Variants in EPS8 observed in about 807,000 individuals in gnomAD.
The protein encoded by EPS8 is epidermal growth factor receptor kinase substrate 8.
Under a neutral mutation model 103.8 loss-of-function variants are expected in EPS8, and 42 were observed. The ratio of observed to expected loss-of-function variants is 0.40; its 90% CI spans 0.32 to 0.52. The LOEUF (loss-of-function observed/expected upper bound fraction) is 0.52. EPS8 is among the 20% of genes least tolerant of loss of function. The pLI is 0.40. For missense variants in EPS8, 969 were observed against 1,005.1 expected, an observed-to-expected ratio of 0.96 and a Z score of 0.49; for synonymous variants, 344 against 344.6, an observed-to-expected ratio of 1.00 and a Z score of 0.02.
chr12:15,674,279 A>G (rs1351008318), intron 3 of EPS8, among the ~76,000 whole-genome samples: 1 of 152,162 alleles, frequency 6.6e-6, no homozygotes, highest in Non-Finnish European at 1.5e-5. Flanking sequence ...TTCCTTAGAG[A>G]GTAAGGATTT....
rs766813745 is a variant in EPS8 at position 15,700,593 on chromosome 12, G to C, written c.-21-17621C>G. On this transcript the variant is annotated intron_variant, in intron 1 of 20. Transcript: ENST00000281172. The surrounding 1 kb of genome is among the most constrained non-coding windows in gnomAD (Gnocchi z 5.1). The stretch of plus-strand genomic sequence containing the variant: ...CACAGAATTTCTACAGTCACAATTA[G>C]ATAAAAGAGCCTCAATGCCAACTGA... Among the ~76,000 whole-genome samples, 18 of 149,316 alleles carry C rather than the reference G, an allele frequency of 1.2e-4. No homozygotes were observed. Among genetic ancestry groups the C allele is most frequent in the Non-Finnish European group, 2.1e-4 (14 of 68,004 alleles).
rs568746749 is a variant in EPS8, at chr12:15,676,913, AAT to A, written c.136+4311_136+4312del. 1.4e-3 allele frequency among the ~76,000 whole-genome samples: 215 copies of A among 152,330 alleles called. 2 individuals are homozygous for A. Among genetic ancestry groups the A allele is most frequent in the African/African-American group, 4.4e-3 (182 of 41,574 alleles). Reference sequence around the variant, plus strand: ...TTTCACCATTTTCCTTGAATAAATTAATATGTCCTCAAATAAGCAAATTTATT... The same window carrying A: ...TTTCACCATTTTCCTTGAATAAATTAATGTCCTCAAATAAGCAAATTTATT... On this transcript the variant is annotated intron_variant, in intron 3 of 20. Transcript: ENST00000281172.
At position 15,666,357 on chromosome 12, in the gene EPS8, GA is replaced by G. The variant is rs899141686; in HGVS notation, c.599+82del. On this transcript the variant is annotated intron_variant, in intron 7 of 20. Transcript: ENST00000281172. ...TACAATACAATAATATACTTCCATA[GA>G]AAATAATTTTTCTAACTCTTTGGGG... is the stretch of plus-strand genomic sequence containing the variant. 631 of 1,007,322 alleles carry G rather than the reference GA, an allele frequency of 6.3e-4. 2 individuals are homozygous for G. Among genetic ancestry groups the G allele is most frequent in the Admixed American group, 9.7e-4 (47 of 48,630 alleles). The allele number at this position is 1,007,322 out of a possible 1,614,324, so 62.4% of individuals were successfully genotyped here. A position where few individuals can be genotyped will look rare whatever the true frequency, so the allele number is the denominator to read the frequency against.
intron 12 of EPS8, among the ~76,000 whole-genome samples, chr12:15,656,233 TG>T (rs5796643): frequency 0.79 from 120,790 of 152,154 alleles, 53,398 homozygotes; most frequent in Non-Finnish European, 0.97. Flanking sequence ...GCATCAAAAA[TG>T]TTAAAAACTA....
At position 15,727,201 on chromosome 12, in the gene EPS8, G is replaced by A. The variant is rs1946662400; in HGVS notation, c.-21-44229C>T. Among the ~76,000 whole-genome samples the A allele has an allele frequency of 6.6e-6, 1 of 152,098 alleles. No individual in the cohort carries two copies. The highest frequency in any genetic ancestry group is 1.5e-5 in the Non-Finnish European group (1 of 68,010). On this transcript the variant is annotated intron_variant, in intron 1 of 20. Coordinates refer to ENST00000281172, the MANE Select transcript of EPS8 (RefSeq NM_004447.6). This position sits in a 1 kb window ranked among gnomAD's most constrained non-coding sequence, Gnocchi z 4.3. ...TTTTTTACAAAGCCTGGGCACCTGG[G>A]GTTCTGATTACTTCCCTCGTGGATT...
At chr12:15,763,651 T>C (rs748625562) in intron 1 of EPS8, among the ~76,000 whole-genome samples, 1 of 152,104 alleles carries the variant, frequency 6.6e-6, no homozygotes, top group Non-Finnish European at 1.5e-5. Flanking sequence ...ATGATAAAAT[T>C]AGAAAAAAAC....
intron 1 of EPS8, among the ~76,000 whole-genome samples, chr12:15,756,278 G>T (rs1304230276): frequency 6.6e-6 from 1 of 152,104 alleles, no homozygotes; most frequent in African/African-American, 2.4e-5. Context: ...ACCAGAAAGA[G>T]ATAACAATGA....
At position 15,759,908 on chromosome 12, in the gene EPS8, G is replaced by A. The variant is rs1247047501; in HGVS notation, c.-22+29253C>T. 2.0e-5 allele frequency among the ~76,000 whole-genome samples: 3 copies of A among 151,464 alleles called. No individual in the cohort carries two copies. The highest frequency in any genetic ancestry group is 4.4e-5 in the Non-Finnish European group (3 of 67,762). ...CCCAACAATGCATCTTAAAGAACTA[G>A]AAAAGCAAGAGCAAACCAAACCCAA... On this transcript the variant is annotated intron_variant, in intron 1 of 20. Transcript: ENST00000281172. This position sits in a 1 kb window ranked among gnomAD's most constrained non-coding sequence, Gnocchi z 4.9.
chr12:15,653,090 T>C (rs1945442710), intron 13 of EPS8, among the ~76,000 whole-genome samples: 1 of 152,246 alleles, frequency 6.6e-6, no homozygotes, highest in Admixed American at 6.5e-5. Context: ...AATCACTTTA[T>C]TGACAAATGC....
In EPS8 at chr12:15,742,943, A is replaced by G. The variant is rs114837423; in HGVS notation, c.-22+46218T>C. Among the ~76,000 whole-genome samples, 1,231 of 152,334 alleles carry G rather than the reference A, an allele frequency of 8.1e-3. 18 individuals are homozygous for G. Among genetic ancestry groups the G allele is most frequent in the African/African-American group, 0.028 (1,149 of 41,570 alleles). On this transcript the variant is annotated intron_variant, in intron 1 of 20. Coordinates refer to ENST00000281172, the MANE Select transcript of EPS8 (RefSeq NM_004447.6). ...GAGGCACGAGAAAGAAATAAAAGGT[A>G]TTCAACTAGGAAAACAGGAAGTCAA...
intron 1 of EPS8, among the ~76,000 whole-genome samples, chr12:15,773,088 T>C (rs1393719526): frequency 6.6e-6 from 1 of 151,926 alleles, no homozygotes; most frequent in Non-Finnish European, 1.5e-5. Flanking sequence ...GAATCTTAGG[T>C]GGAAACAAGA....
intron 1 of EPS8, among the ~76,000 whole-genome samples, chr12:15,768,643 C>G (rs1303050157): frequency 2.0e-5 from 3 of 151,900 alleles, no homozygotes; most frequent in Non-Finnish European, 4.4e-5. Context: ...TTCAATATTA[C>G]TCTCAAGCAA....
At chr12:15,624,132 G>A (rs1944905065) in intron 19 of EPS8, 95 bp downstream of exon 19, 3 of 980,782 alleles carry the variant, frequency 3.1e-6, no homozygotes, top group Non-Finnish European at 3.2e-6. Context: ...GTGCCCTTAT[G>A]TTTTATAACA....
chr12:15,733,241 T>C lies in EPS8; in HGVS notation c.-21-50269A>G, dbSNP rs1004601145. 4.6e-5 allele frequency among the ~76,000 whole-genome samples: 7 copies of C among 152,124 alleles called. No individual in the cohort carries two copies. The highest frequency in any genetic ancestry group is 1.3e-4 in the Admixed American group (2 of 15,280). ...AGAGGCCTCAGGAAACTTAGAATCATGGTGGAAGGGGAAGGGGAAGCAAGC... is the reference window on the plus strand; with the variant it reads ...AGAGGCCTCAGGAAACTTAGAATCACGGTGGAAGGGGAAGGGGAAGCAAGC... On this transcript the variant is annotated intron_variant, in intron 1 of 20. Coordinates refer to ENST00000281172, the MANE Select transcript of EPS8 (RefSeq NM_004447.6). The surrounding 1 kb of genome is among the most constrained non-coding windows in gnomAD (Gnocchi z 4.8).
In EPS8 at chr12:15,757,466, T is replaced by C. The variant is rs1441667805; in HGVS notation, c.-22+31695A>G. 6.6e-6 allele frequency among the ~76,000 whole-genome samples: 1 copy of C among 151,758 alleles called. No homozygotes were observed. Among genetic ancestry groups the C allele is most frequent in the Non-Finnish European group, 1.5e-5 (1 of 67,930 alleles). The stretch of plus-strand genomic sequence containing the variant: ...CAACACGGTGAAACCTCATCTCTAC[T>C]AAAAAATACAAAAATTAGCTAGGCG... On this transcript the variant is annotated intron_variant, in intron 1 of 20. Coordinates refer to ENST00000281172, the MANE Select transcript of EPS8 (RefSeq NM_004447.6). The surrounding 1 kb of genome is among the most constrained non-coding windows in gnomAD (Gnocchi z 4.1).
In EPS8 at chr12:15,717,450, G is replaced by T. The variant is rs778104908; in HGVS notation, c.-21-34478C>A. Among the ~76,000 whole-genome samples, 1 of 152,058 alleles carries T rather than the reference G, an allele frequency of 6.6e-6. No homozygotes were observed. Among genetic ancestry groups the T allele is most frequent in the Non-Finnish European group, 1.5e-5 (1 of 68,010 alleles). On this transcript the variant is annotated intron_variant, in intron 1 of 20. Coordinates refer to ENST00000281172, the MANE Select transcript of EPS8 (RefSeq NM_004447.6). The surrounding 1 kb of genome is among the most constrained non-coding windows in gnomAD (Gnocchi z 4.3). ...AAAAATACAAAAATTAGCTGGGCGC[G>T]GTGGCACGTGCCTGTAATCCCAGCT... is the stretch of plus-strand genomic sequence containing the variant.
chr12:15,780,505 C>CACACAT lies in EPS8; in HGVS notation c.-22+8655_-22+8656insATGTGT. ...AAACACACACACACACACACACACACACACACACACACACACACACACACA... is the reference window on the plus strand; with the variant it reads ...AAACACACACACACACACACACACACACACATACACACACACACACACACACACACA... On this transcript the variant is annotated intron_variant, in intron 1 of 20. Coordinates refer to ENST00000281172, the MANE Select transcript of EPS8 (RefSeq NM_004447.6). The surrounding 1 kb of genome is among the most constrained non-coding windows in gnomAD (Gnocchi z 4.1). The CACACAT allele has an allele frequency of 6.5e-6, 1 of 152,836 alleles. No homozygotes were observed. The highest frequency in any genetic ancestry group is 2.1e-4 in the South Asian group (1 of 4,780). 9.5% of individuals were successfully genotyped at this position (152,836 alleles called of 1,614,324 possible).
At position 15,761,424 on chromosome 12, in the gene EPS8, G is replaced by GA. The variant is rs1367870441; in HGVS notation, c.-22+27736dup. ...ATCCATGACATTCTTCACAGAAATA[G>GA]AAAAAACAATCCTAAAATTTATATG... On this transcript the variant is annotated intron_variant, in intron 1 of 20. Transcript: ENST00000281172. The surrounding 1 kb of genome is among the most constrained non-coding windows in gnomAD (Gnocchi z 4.5). 6.6e-6 allele frequency among the ~76,000 whole-genome samples: 1 copy of GA among 151,884 alleles called. No individual in the cohort carries two copies. The highest frequency in any genetic ancestry group is 1.5e-5 in the Non-Finnish European group (1 of 67,922).
intron 1 of EPS8, among the ~76,000 whole-genome samples, chr12:15,699,374 C>T (rs887536938): frequency 3.9e-5 from 6 of 152,148 alleles, no homozygotes; most frequent in African/African-American, 1.2e-4. Flanking sequence ...ATCTCAGCTT[C>T]GGTTTACTCA....
Sources: gnomAD v4.1 joint callset for allele counts (sites outside exome capture counted in the v4.1 genomes callset) on GRCh38, gnomAD v4.1.1 for gene constraint, Gnocchi (gnomAD v3.1) non-coding constraint, MANE v1.5 for transcripts, NCBI Gene and HGNC (gene_info 2026-07-23, HGNC 2026-07-21) for gene names.